MIGA1: variants seen among roughly 807,000 people sequenced by gnomAD.
MIGA1 encodes mitoguardin 1.
A neutral mutation model predicts 82.0 loss-of-function variants in MIGA1; 58 were observed. The ratio of observed to expected loss-of-function variants is 0.71; its 90% CI spans 0.57 to 0.88. MIGA1 has a LOEUF of 0.88. Ranked by LOEUF, MIGA1 falls within the 40% of genes least tolerant of loss-of-function variation. The pLI is 0.00. For synonymous variants in MIGA1, 249 were observed against 253.6 expected (o/e 0.98, Z 0.17); for missense variants, 751 against 749.1 (o/e 1.00, Z -0.03).
rs1350354290 is a variant in MIGA1 at position 77,866,356 on chromosome 1, T to C, written c.1528T>C (p.Trp510Arg). 1 of 1,614,154 alleles carries C rather than the reference T, an allele frequency of 6.2e-7. No homozygotes were observed. Among genetic ancestry groups the C allele is most frequent in the Non-Finnish European group, 8.5e-7 (1 of 1,179,980 alleles). Residue 510 changes from tryptophan to arginine, a missense_variant, in exon 14 of 16, where the codon TGG (tryptophan) becomes CGG (arginine). Physicochemically the swap from Trp to Arg is moderately radical, Grantham distance 101. Coordinates refer to ENST00000370791, the MANE Select transcript of MIGA1 (RefSeq NM_198549.4). ...TATTTAGGCTGTGGCTTCAAGTTGT[T>C]GGTCGGTGCTGAAACAGAAAAGACA...
chr1:77,850,703 G>A (rs1685012223), intron 8 of MIGA1, among the ~76,000 whole-genome samples: 1 of 152,150 alleles, frequency 6.6e-6, no homozygotes, highest in South Asian at 2.1e-4. Flanking sequence ...AGTCCATCTT[G>A]TACCTCATGG....
chr1:77,830,542 T>C (rs1209600036), intron 7 of MIGA1, among the ~76,000 whole-genome samples: 1 of 152,196 alleles, frequency 6.6e-6, no homozygotes, highest in Non-Finnish European at 1.5e-5. Context: ...TTTATTTTTA[T>C]TTCATCTTTT....
chr1:77,799,509 A>G (rs1017252636), intron 2 of MIGA1, among the ~76,000 whole-genome samples: 3 of 152,206 alleles, frequency 2.0e-5, no homozygotes, highest in Non-Finnish European at 4.4e-5. Context: ...CATCTGGACT[A>G]GATTGATAAC....
chr1:77,847,126 C>T, intron 8 of MIGA1: 2 of 936,624 alleles, frequency 2.1e-6, no homozygotes. Flanking sequence ...TCTGGGCAGG[C>T]AGTATGGGTT....
chr1:77,797,370 T>C (rs1032402594), intron 2 of MIGA1, among the ~76,000 whole-genome samples: 4 of 152,238 alleles, frequency 2.6e-5, no homozygotes, highest in Non-Finnish European at 5.9e-5. Flanking sequence ...TATTGATCTA[T>C]ACGTCCACAC....
At chr1:77,780,924 T>G (rs2101668423) in intron 1 of MIGA1, among the ~76,000 whole-genome samples, 1 of 149,514 alleles carries the variant, frequency 6.7e-6, no homozygotes, top group Middle Eastern at 3.4e-3. Context: ...TTTTTTTTTT[T>G]GAGGCGGAGT....
In MIGA1 at chr1:77,812,483, C is replaced by T. The variant is rs114510741; in HGVS notation, c.638-1251C>T. 5.1e-3 allele frequency among the ~76,000 whole-genome samples: 781 copies of T among 151,978 alleles called. 6 individuals carry two copies. The highest frequency in any genetic ancestry group is 0.01 in the Admixed American group (155 of 15,270). On this transcript the variant is annotated intron_variant, in intron 5 of 15. Transcript: ENST00000370791. The stretch of plus-strand genomic sequence containing the variant: ...TAAATAAATGAATAACAAATAAATA[C>T]GAAATTGTATTCATTTAGGATTGTA...
At chr1:77,801,296 G>T (rs755981086) in intron 2 of MIGA1, 35 bp from the exon 3 acceptor site, 54 of 1,486,396 alleles carry the variant, frequency 3.6e-5, no homozygotes, top group Non-Finnish European at 4.8e-5. Context: ...ACAAATTAAA[G>T]AGATTTTTTT....
At chr1:77,842,696 C>A (rs1684672013) in intron 7 of MIGA1, among the ~76,000 whole-genome samples, 1 of 152,062 alleles carries the variant, frequency 6.6e-6, no homozygotes, top group Non-Finnish European at 1.5e-5. Context: ...TACAGGTGCG[C>A]ACCTGGCTAA....
At chr1:77,780,536 T>C (rs1156955067) in intron 1 of MIGA1, among the ~76,000 whole-genome samples, 1 of 152,220 alleles carries the variant, frequency 6.6e-6, no homozygotes, top group East Asian at 1.9e-4. Flanking sequence ...CAGACTTTCC[T>C]TCCTGTTGGA....
intron 7 of MIGA1, among the ~76,000 whole-genome samples, chr1:77,828,877 G>A (rs1684132344): frequency 6.6e-6 from 1 of 151,974 alleles, no homozygotes; most frequent in Admixed American, 6.6e-5. Context: ...GAGTCTTCCT[G>A]TATTTCACAG....
intron 8 of MIGA1, chr1:77,853,725 G>A (rs577782150): frequency 6.3e-6 from 2 of 317,124 alleles, no homozygotes; most frequent in South Asian, 6.9e-5. Flanking sequence ...ACACACAAAG[G>A]AGGCATCATG....
In MIGA1 at chr1:77,852,133, C is replaced by T. The variant is rs988993895; in HGVS notation, c.997-6805C>T. ...CTTCTGACCTCAAGTGATCTGCGCACGTCAACCTCCCAAAGTGCTGGGATT... is the reference window on the plus strand; with the variant it reads ...CTTCTGACCTCAAGTGATCTGCGCATGTCAACCTCCCAAAGTGCTGGGATT... On this transcript the variant is annotated intron_variant, in intron 8 of 15. Coordinates refer to ENST00000370791, the MANE Select transcript of MIGA1 (RefSeq NM_198549.4). Among the ~76,000 whole-genome samples the T allele has an allele frequency of 1.6e-4, 24 of 152,234 alleles. No homozygotes were observed. The South Asian group carries it at 5.0e-3, about 32-fold the overall frequency.
At chr1:77,819,783 T>G (rs190685590) in intron 7 of MIGA1, among the ~76,000 whole-genome samples, 5 of 152,156 alleles carry the variant, frequency 3.3e-5, no homozygotes, top group African/African-American at 1.2e-4. Flanking sequence ...GGTTTTGCCG[T>G]GTTACCCAGG....
intron 7 of MIGA1, among the ~76,000 whole-genome samples, chr1:77,817,445 C>A (rs1051896180): frequency 1.3e-5 from 2 of 152,202 alleles, no homozygotes; most frequent in African/African-American, 4.8e-5. Flanking sequence ...GTTCCTGACC[C>A]CACTCATGTT....
At chr1:77,859,724 T>G (rs921555145) in intron 10 of MIGA1, 2 of 370,856 alleles carry the variant, frequency 5.4e-6, no homozygotes, top group Non-Finnish European at 9.6e-6. Flanking sequence ...ATTATAAAAT[T>G]GATTTTCTAA....
At chr1:77,780,172 TC>T in intron 1 of MIGA1, 1 of 988,346 alleles carries the variant, frequency 1.0e-6, no homozygotes, top group South Asian at 4.6e-5. Context: ...TGCTGTGGGG[TC>T]GGGGGAGAGC....
intron 7 of MIGA1, among the ~76,000 whole-genome samples, chr1:77,835,545 A>G (rs1197451199): frequency 6.6e-6 from 1 of 152,246 alleles, no homozygotes; most frequent in Non-Finnish European, 1.5e-5. Flanking sequence ...AAAGCTTTTT[A>G]AAATGAACTT....
chr1:77,821,695 A>G (rs921757721), intron 7 of MIGA1, among the ~76,000 whole-genome samples: 2 of 152,132 alleles, frequency 1.3e-5, no homozygotes, highest in South Asian at 2.1e-4. Flanking sequence ...CGCCTGGCCA[A>G]ATAGTTTTAG....
Sources: allele counts gnomAD v4.1 joint callset (sites outside exome capture counted in the v4.1 genomes callset), GRCh38; gene constraint gnomAD v4.1.1; transcripts MANE v1.5; gene names NCBI Gene and HGNC (gene_info 2026-07-23, HGNC 2026-07-21).